The following OR1J2 variants were observed in gnomAD, a reference collection of about 807,000 sequenced individuals.
OR1J2 encodes the protein olfactory receptor 1J2.
For missense variants in OR1J2, 304 were observed against 246.1 expected (o/e 1.24, Z -1.57); for synonymous variants, 142 against 99.7 (o/e 1.42, Z -2.52).
chr9:122,558,847 CTTCTT>C, the OR1J2 span, among the ~76,000 whole-genome samples: 1 of 151,612 alleles, frequency 6.6e-6, no homozygotes, highest in African/African-American at 2.4e-5. Context: ...TTAATTTTCT[CTTCTT>C]GTCTTTGTTT....
the OR1J2 span, among the ~76,000 whole-genome samples, chr9:122,462,620 T>A: frequency 6.6e-6 from 1 of 152,254 alleles, no homozygotes; most frequent in Admixed American, 6.5e-5. Context: ...GGCTTGGTAG[T>A]GGTGAATTCT....
At chr9:122,505,797 G>A in the OR1J2 span, among the ~76,000 whole-genome samples, 5 of 151,448 alleles carry the variant, frequency 3.3e-5, no homozygotes, top group Non-Finnish European at 5.9e-5. Flanking sequence ...TAGATTTTGC[G>A]TGTCAACTTG....
chr9:122,556,503 A>G, the OR1J2 span, among the ~76,000 whole-genome samples: 86,715 of 151,574 alleles, frequency 0.57, 25,321 homozygotes, highest in East Asian at 0.97. Flanking sequence ...AGTAGTGTCC[A>G]CCGGGGCCTG....
chr9:122,551,499 C>G, the OR1J2 span, among the ~76,000 whole-genome samples: 1 of 152,168 alleles, frequency 6.6e-6, no homozygotes, highest in Admixed American at 6.5e-5. Context: ...AGTTTATACT[C>G]CTGATTTCTT....
the OR1J2 span, among the ~76,000 whole-genome samples, chr9:122,539,258 T>C: frequency 2.0e-5 from 3 of 152,126 alleles, no homozygotes; most frequent in Non-Finnish European, 2.9e-5. Flanking sequence ...CCTAATGCTA[T>C]CCTTCCCACC....
the OR1J2 span, among the ~76,000 whole-genome samples, chr9:122,539,064 T>C: frequency 6.6e-6 from 1 of 152,152 alleles, no homozygotes; most frequent in Non-Finnish European, 1.5e-5. Context: ...TCTCGGTCTC[T>C]GTGGGAAGGT....
chr9:122,469,317 C>T, the OR1J2 span, among the ~76,000 whole-genome samples: 48,574 of 152,046 alleles, frequency 0.32, 9,217 homozygotes, highest in Non-Finnish European at 0.44. Flanking sequence ...TCCCCCATAC[C>T]GTTCTCATGG....
At chr9:122,504,290 T>C in the OR1J2 span, among the ~76,000 whole-genome samples, 7 of 152,350 alleles carry the variant, frequency 4.6e-5, no homozygotes, top group African/African-American at 1.7e-4. Flanking sequence ...TATTGGAGTT[T>C]ACCAGAGGCT....
chr9:122,447,987 T>C, the OR1J2 span, among the ~76,000 whole-genome samples: 2 of 152,020 alleles, frequency 1.3e-5, no homozygotes, highest in Non-Finnish European at 2.9e-5. Context: ...GATGAGAGAC[T>C]GAGAAAAGAA....
chr9:122,559,127 A>G, the OR1J2 span, among the ~76,000 whole-genome samples: 67 of 152,168 alleles, frequency 4.4e-4, no homozygotes, highest in African/African-American at 1.4e-3. Context: ...ATGCTTTTGT[A>G]CAATAGAACA....
the OR1J2 span, among the ~76,000 whole-genome samples, chr9:122,470,099 G>A: frequency 6.6e-6 from 1 of 152,226 alleles, no homozygotes; most frequent in Non-Finnish European, 1.5e-5. Context: ...ATGAGGAGCT[G>A]AATGTTAATC....
chr9:122,570,492 C>T, the OR1J2 span, among the ~76,000 whole-genome samples: 1 of 152,180 alleles, frequency 6.6e-6, no homozygotes, highest in African/African-American at 2.4e-5. Flanking sequence ...AGTTACTAAA[C>T]ACCTTTAAAT....
At chr9:122,568,470 C>A in the OR1J2 span, 851 of 1,571,086 alleles carry the variant, frequency 5.4e-4, 16 homozygotes, top group East Asian at 0.019. Context: ...GTGGTTGATT[C>A]TTTCCATTGA....
the OR1J2 span, among the ~76,000 whole-genome samples, chr9:122,491,524 T>A: frequency 6.6e-6 from 1 of 151,836 alleles, no homozygotes; most frequent in Non-Finnish European, 1.5e-5. Context: ...ACAATTAAGA[T>A]AGTAGCAGAG....
chr9:122,529,464 G>A, the OR1J2 span, among the ~76,000 whole-genome samples: 1 of 152,258 alleles, frequency 6.6e-6, no homozygotes, highest in African/African-American at 2.4e-5. Flanking sequence ...TATTTCTATG[G>A]AGGTTCTTTG....
chr9:122,474,338 T>G, the OR1J2 span, among the ~76,000 whole-genome samples: 7 of 152,216 alleles, frequency 4.6e-5, no homozygotes, highest in African/African-American at 1.7e-4. Flanking sequence ...GCCTAAGAGC[T>G]TCTCCTTCTG....
chr9:122,505,928 C>G (rs1387900642), upstream of OR1J2, among the ~76,000 whole-genome samples: 1 of 151,866 alleles, frequency 6.6e-6, no homozygotes, highest in African/African-American at 2.4e-5. Context: ...TTTGATATAA[C>G]CATACCTAAG....
At chr9:122,559,037 C>A in the OR1J2 span, among the ~76,000 whole-genome samples, 1 of 152,022 alleles carries the variant, frequency 6.6e-6, no homozygotes, top group Admixed American at 6.6e-5. Context: ...CAACATCTGT[C>A]ATTTCTTTGA....
chr9:122,465,313 T>C, the OR1J2 span, among the ~76,000 whole-genome samples: 1 of 152,130 alleles, frequency 6.6e-6, no homozygotes, highest in African/African-American at 2.4e-5. Context: ...AAAACACCAG[T>C]CCAAACGCCT....
Sources: allele counts gnomAD v4.1 joint callset (sites outside exome capture counted in the v4.1 genomes callset), GRCh38; gene constraint gnomAD v4.1.1; transcripts MANE v1.5; gene names NCBI Gene and HGNC (gene_info 2026-07-23, HGNC 2026-07-21).